GSTM5: variants seen among roughly 807,000 people sequenced by gnomAD.
The protein encoded by GSTM5 is GST class-mu 5.
Under a neutral mutation model 29.0 loss-of-function variants are expected in GSTM5, and 24 were observed. The ratio of observed to expected loss-of-function variants is 0.83; its 90% CI spans 0.60 to 1.16. The LOEUF is 1.16. Among genes scored for constraint, GSTM5 ranks in the 50% most tolerant of loss-of-function variants. The probability of loss-of-function intolerance (pLI) is 0.00; values close to 1 mark genes in which losing one functional copy is unlikely to be tolerated. For missense variants in GSTM5, 290 were observed against 263.0 expected, an observed-to-expected ratio of 1.10 and a Z score of -0.71; for synonymous variants, 91 against 93.6, an observed-to-expected ratio of 0.97 and a Z score of 0.16.
Position 109,717,766 on chromosome 1 carries a change from A to C in GSTM5, c.*340A>C. The C allele has an allele frequency of 4.3e-6, 1 of 232,940 alleles. No homozygotes were observed. Among genetic ancestry groups the C allele is most frequent in the Non-Finnish European group, 8.6e-6 (1 of 116,492 alleles). 14.4% of individuals were successfully genotyped at this position (232,940 alleles called of 1,614,324 possible). On this transcript the variant is annotated 3_prime_UTR_variant, in exon 8 of 8. Transcript: ENST00000256593. The stretch of plus-strand genomic sequence containing the variant: ...CTCCCTAGCACTGTCCTCAAAGACC[A>C]TCTGTATGCCCTGCTCCCTTTGCTG...
At chr1:109,715,620 C>T (rs1242349294) in intron 7 of GSTM5, 30 of 849,986 alleles carry the variant, frequency 3.5e-5, no homozygotes, top group Non-Finnish European at 5.0e-5. Context: ...CTGGGTTTCA[C>T]AGCCCAGAAC....
intron 1 of GSTM5, 61 bp from the exon 2 acceptor site, chr1:109,712,557 A>G: frequency 6.3e-7 from 1 of 1,584,460 alleles, no homozygotes; most frequent in East Asian, 2.2e-5. Context: ...CCTGGTGCAG[A>G]GAAAGTCACC....
At chr1:109,715,550 G>A (rs2101321292) in intron 7 of GSTM5, 1 of 1,401,162 alleles carries the variant, frequency 7.1e-7, no homozygotes, top group East Asian at 2.5e-5. Context: ...CTGGATCTAT[G>A]GGTGGCAGTC....
At chr1:109,711,775 G>A (rs1456460867), upstream of GSTM5, among the ~76,000 whole-genome samples, 1 of 151,298 alleles carries the variant, frequency 6.6e-6, no homozygotes, top group Non-Finnish European at 1.5e-5. Flanking sequence ...AGTAGCTTTC[G>A]GATCAGAGGA....
At chr1:109,715,828 G>T in intron 7 of GSTM5, 1 of 457,708 alleles carries the variant, frequency 2.2e-6, no homozygotes, top group Non-Finnish European at 4.2e-6. Flanking sequence ...GGGTACATAT[G>T]TGGGTGCCCC....
chr1:109,715,722 T>C (rs1028244418), intron 7 of GSTM5: 16 of 437,872 alleles, frequency 3.7e-5, no homozygotes, highest in East Asian at 1.6e-4. Flanking sequence ...GTACTAAACC[T>C]GCAGGCAGTA....
rs753414142 is a variant in GSTM5, at chr1:109,713,545, T to G, written c.239T>G (p.Ile80Ser). Residue 80 changes from isoleucine (I) to serine (S), a missense_variant, in exon 4 of 8, where the codon ATT becomes AGT. Ile to Ser is a moderately radical substitution (Grantham distance 142). Transcript: ENST00000256593. ...ITQSNAILRYIARKHNLCGET... is the reference protein window; with the variant it reads ...ITQSNAILRYSARKHNLCGET... ...CAGAGCAATGCCATCCTGCGCTACA[T>G]TGCCCGCAAGCACAACCTGTGTGAG... The G allele has an allele frequency of 1.2e-6, 2 of 1,614,176 alleles. No individual in the cohort carries two copies. The highest frequency in any genetic ancestry group is 1.7e-6 in the Non-Finnish European group (2 of 1,180,032).
intron 3 of GSTM5, 145 bp from the exon 4 acceptor site, chr1:109,713,339 C>A (rs954454920): frequency 2.9e-6 from 4 of 1,384,146 alleles, no homozygotes; most frequent in East Asian, 2.3e-5. Flanking sequence ...GTTCTGTGTC[C>A]CAGCTCATTT....
intron 7 of GSTM5, 112 bp downstream of exon 7, chr1:109,715,352 G>C (rs1329654721): frequency 6.2e-7 from 1 of 1,604,912 alleles, no homozygotes. Context: ...ATTGAGTACG[G>C]GCTTCATGCC....
In GSTM5 at chr1:109,713,720, A is replaced by G. The variant is rs554380038; in HGVS notation, c.319A>G (p.Asn107Asp). The change falls in exon 5 of 8, where the codon AAC (asparagine) becomes GAC (aspartate). Residue 107 changes from asparagine to aspartate, a missense_variant. By Grantham distance (23) the Asn-to-Asp change is conservative (BLOSUM62 1). Transcript: ENST00000256593. ...CATTTTGGAGAACCAGGTTATGGAT[A>G]ACCACATGGAGCTGGTCAGACTGTG... ...VDILENQVMDNHMELVRLCYD... is the reference protein window; with the variant it reads ...VDILENQVMDDHMELVRLCYD... The G allele has an allele frequency of 2.2e-5, 36 of 1,612,614 alleles. No individual in the cohort carries two copies. The East Asian group carries it at 3.3e-4, about 15-fold the overall frequency.
upstream of GSTM5, among the ~76,000 whole-genome samples, chr1:109,711,916 T>C (rs116135843): frequency 0.18 from 19,311 of 104,544 alleles, 2,263 homozygotes; most frequent in East Asian, 0.42. Flanking sequence ...GGCTGAGGGA[T>C]TCTGCGGGCA....
chr1:109,713,914 C>T (rs1272364310), intron 5 of GSTM5, 153 bp downstream of exon 5: 1 of 521,200 alleles, frequency 1.9e-6, no homozygotes, highest in African/African-American at 2.0e-5. Flanking sequence ...CGAATCTTCT[C>T]CTCTTCTGAA....
chr1:109,717,304 G>T, intron 7 of GSTM5, 33 bp from the exon 8 acceptor site: 1 of 1,554,464 alleles, frequency 6.4e-7, no homozygotes, highest in Non-Finnish European at 8.9e-7. Context: ...CTAGACAGCA[G>T]ACCTGGCTCT....
rs566452271 is a variant in GSTM5, at chr1:109,717,666, C to G, written c.*240C>G. The G allele has an allele frequency of 2.1e-6, 1 of 469,674 alleles. No homozygotes were observed. Among genetic ancestry groups the G allele is most frequent in the African/African-American group, 2.0e-5 (1 of 50,730 alleles). The allele number at this position is 469,674 out of a possible 1,614,324, so 29.1% of individuals were successfully genotyped here. ...TCCCCCTCCTAACGTCTTCCTTTCC[C>G]TGCACTAACGCCAACCTGACTGCTT... On this transcript the variant is annotated 3_prime_UTR_variant, in exon 8 of 8. Transcript: ENST00000256593.
chr1:109,716,038 C>A (rs1648735956), intron 7 of GSTM5: 1 of 587,304 alleles, frequency 1.7e-6, no homozygotes, highest in South Asian at 1.7e-5. Context: ...AGATGACTGC[C>A]CCATCCTGGA....
intron 7 of GSTM5, 198 bp downstream of exon 7, chr1:109,715,438 A>C (rs1648712991): frequency 6.5e-7 from 1 of 1,539,342 alleles, no homozygotes; most frequent in East Asian, 2.5e-5. Context: ...TGACAGAATT[A>C]TCTTGCCCAT....
At chr1:109,714,695 C>A in intron 5 of GSTM5, 1 of 556,924 alleles carries the variant, frequency 1.8e-6, no homozygotes, top group Non-Finnish European at 3.2e-6. Flanking sequence ...GACCCAGAGG[C>A]TATTGGGAGG....
intron 1 of GSTM5, 97 bp downstream of exon 1, chr1:109,712,445 C>A: frequency 1.5e-6 from 2 of 1,365,274 alleles, no homozygotes; most frequent in Non-Finnish European, 2.1e-6. Context: ...CTCTTCAGGG[C>A]TGCCCGCCTC....
chr1:109,717,763 A>T lies in GSTM5; in HGVS notation c.*337A>T, dbSNP rs746085831. On this transcript the variant is annotated 3_prime_UTR_variant, in exon 8 of 8. Transcript: ENST00000256593. ...GAGCTCCCTAGCACTGTCCTCAAAG[A>T]CCATCTGTATGCCCTGCTCCCTTTG... 30 of 237,388 alleles carry T rather than the reference A, an allele frequency of 1.3e-4. No homozygotes were observed. The highest frequency in any genetic ancestry group is 1.6e-3 in the Middle Eastern group (1 of 644). 14.7% of individuals were successfully genotyped at this position (237,388 alleles called of 1,614,324 possible).
Sources: allele counts gnomAD v4.1 joint callset (sites outside exome capture counted in the v4.1 genomes callset), GRCh38; gene constraint gnomAD v4.1.1; transcripts MANE v1.5; gene names NCBI Gene and HGNC (gene_info 2026-07-23, HGNC 2026-07-21).